The following USP24 variants were observed in gnomAD, a reference collection of about 807,000 sequenced individuals.
The protein encoded by USP24 is ubiquitin carboxyl-terminal hydrolase 24.
In USP24, 97 loss-of-function variants were observed where a neutral mutation model predicts 361.6. The ratio of observed to expected loss-of-function variants is 0.27; its 90% CI spans 0.23 to 0.32. The LOEUF is 0.32. USP24 is among the 10% of genes least tolerant of loss of function. USP24 has a pLI of 1.00. For missense variants in USP24, 2,353 were observed against 3,165.6 expected, an observed-to-expected ratio of 0.74 and a Z score of 6.16; for synonymous variants, 1,098 against 1,124.6, an observed-to-expected ratio of 0.98 and a Z score of 0.47.
chr1:55,128,747 G>C (rs192250820), intron 32 of USP24, among the ~76,000 whole-genome samples: 23 of 91,596 alleles, frequency 2.5e-4, no homozygotes, highest in Middle Eastern at 9.4e-3. Flanking sequence ...ACAGGATCTT[G>C]TTCCGTTGCC....
chr1:55,154,608 A>G, intron 13 of USP24, 63 bp downstream of exon 13: 1 of 1,501,150 alleles, frequency 6.7e-7, no homozygotes, highest in South Asian at 1.2e-5. Flanking sequence ...AGGGGTATTC[A>G]GGACCTCAAA....
At chr1:55,137,250 C>G (rs531744532) in intron 28 of USP24, among the ~76,000 whole-genome samples, 1 of 152,226 alleles carries the variant, frequency 6.6e-6, no homozygotes, top group East Asian at 1.9e-4. Context: ...TTCTTATCAA[C>G]AGAGATCAAG....
intron 60 of USP24, among the ~76,000 whole-genome samples, 182 bp downstream of exon 60, chr1:55,079,356 T>A (rs1054174505): frequency 6.6e-6 from 1 of 152,216 alleles, no homozygotes; most frequent in African/African-American, 2.4e-5. Context: ...GTCTGGACCT[T>A]GGCTGAACAG....
At chr1:55,081,182 TTA>T (rs1277708494) in intron 59 of USP24, 138 bp downstream of exon 59, 1 of 808,146 alleles carries the variant, frequency 1.2e-6, no homozygotes, top group Non-Finnish European at 1.9e-6. Context: ...TTAACATGAA[TTA>T]AAACAAAAAT....
At chr1:55,176,310 T>G in intron 3 of USP24, 66 bp downstream of exon 3, 1 of 1,380,696 alleles carries the variant, frequency 7.2e-7, no homozygotes, top group Non-Finnish European at 9.8e-7. Flanking sequence ...AACAAAAAGC[T>G]TCTCTTCCTT....
In USP24 at chr1:55,143,098, T is replaced by A. The variant is rs919197521; in HGVS notation, c.2461A>T (p.Ile821Leu). 3 of 1,520,008 alleles carry A rather than the reference T, an allele frequency of 2.0e-6. No homozygotes were observed. In the African/African-American group the frequency reaches 4.2e-5, roughly 21 times the overall value. 94.2% of individuals were successfully genotyped at this position (1,520,008 alleles called of 1,614,324 possible). ...ATTTTCCAAATGAAATCCATTCCTA[T>A]CAATTCCAGCTTTTCTACATACTGT... is the stretch of plus-strand genomic sequence containing the variant. ...AQLYVEKLEL[I>L]GMDFIWKIAM... Residue 821 changes from isoleucine (I) to leucine (L), a missense_variant, in exon 22 of 68, where the codon ATA (isoleucine) becomes TTA (leucine). By Grantham distance (5) the Ile-to-Leu change is conservative (BLOSUM62 2). Around this residue, in one of 8 missense-constraint regions of USP24, gnomAD observed 949 missense variants for 1,280.5 expected, o/e 0.74. Transcript: ENST00000294383.
chr1:55,181,347 A>G (rs1643960456), intron 1 of USP24, among the ~76,000 whole-genome samples: 1 of 152,176 alleles, frequency 6.6e-6, no homozygotes, highest in South Asian at 2.1e-4. Flanking sequence ...GGGTAGAAGG[A>G]GGGGGTGATG....
At chr1:55,208,803 G>A (rs1644776164) in intron 1 of USP24, among the ~76,000 whole-genome samples, 1 of 151,912 alleles carries the variant, frequency 6.6e-6, no homozygotes, top group Non-Finnish European at 1.5e-5. Flanking sequence ...GAGCGTGGTG[G>A]CAGGCGCCTG....
At chr1:55,205,528 A>G (rs1013878436) in intron 1 of USP24, among the ~76,000 whole-genome samples, 4 of 152,316 alleles carry the variant, frequency 2.6e-5, no homozygotes, top group African/African-American at 9.6e-5. Context: ...ATTTAAAAAA[A>G]TAGCTCCCAA....
chr1:55,072,850 G>A lies in USP24; in HGVS notation c.7538C>T (p.Ala2513Val). The A allele has an allele frequency of 1.2e-6, 2 of 1,606,996 alleles. No individual in the cohort carries two copies. Among genetic ancestry groups the A allele is most frequent in the South Asian group, 2.2e-5 (2 of 89,156 alleles). Residue 2513 changes from alanine (A) to valine (V), a missense_variant, in exon 65 of 68, where the codon GCT becomes GTT. Physicochemically the swap from Ala to Val is moderately conservative, Grantham distance 64. This residue lies in a region of USP24 where 598 missense variants were observed against 761.9 expected (regional missense o/e 0.78). Coordinates refer to ENST00000294383, the MANE Select transcript of USP24 (RefSeq NM_015306.3). Reference sequence around the variant, plus strand: ...GGAATTCTCCTTGAAGTACTCCTTAGCTGCAGGACACCTGATGACCGAGGA... The same window carrying A: ...GGAATTCTCCTTGAAGTACTCCTTAACTGCAGGACACCTGATGACCGAGGA... ...LVTLAQKCPAAKEYFKENSHH... is the reference protein window; with the variant it reads ...LVTLAQKCPAVKEYFKENSHH...
chr1:55,093,035 T>C (rs1645416412), intron 52 of USP24, 119 bp from the exon 53 acceptor site: 1 of 605,776 alleles, frequency 1.7e-6, no homozygotes, highest in Non-Finnish European at 2.6e-6. Context: ...TGAATTATAA[T>C]TTATAATTCC....
At chr1:55,189,210 C>T (rs1484208857) in intron 1 of USP24, among the ~76,000 whole-genome samples, 2 of 152,100 alleles carry the variant, frequency 1.3e-5, no homozygotes, top group African/African-American at 4.8e-5. Flanking sequence ...CATGAGTGTT[C>T]GTGGCAGCAT....
At chr1:55,097,544 AAGTG>A (rs1370509439) in intron 48 of USP24, 50 bp downstream of exon 48, 1 of 1,516,244 alleles carries the variant, frequency 6.6e-7, no homozygotes, top group Non-Finnish European at 8.8e-7. Context: ...AAAAAAAAAG[AAGTG>A]AGTGAGGAAA....
intron 1 of USP24, among the ~76,000 whole-genome samples, chr1:55,189,553 G>A (rs182532018): frequency 3.9e-5 from 6 of 152,306 alleles, no homozygotes; most frequent in Admixed American, 2.0e-4. Flanking sequence ...GTAGACTGGT[G>A]GTTGCCACAG....
chr1:55,182,754 A>T (rs910964251), intron 1 of USP24, among the ~76,000 whole-genome samples: 1 of 151,974 alleles, frequency 6.6e-6, no homozygotes, highest in African/African-American at 2.4e-5. Flanking sequence ...TCACTTTGTC[A>T]CCCAGGCTGG....
intron 16 of USP24, 66 bp downstream of exon 16, chr1:55,153,804 G>T: frequency 7.2e-7 from 1 of 1,389,776 alleles, no homozygotes; most frequent in Non-Finnish European, 9.9e-7. Flanking sequence ...AAATTGTGGT[G>T]TAATTTATTA....
chr1:55,146,226 AC>A, intron 19 of USP24, 117 bp from the exon 20 acceptor site: 5 of 612,750 alleles, frequency 8.2e-6, no homozygotes, highest in Non-Finnish European at 1.1e-5. Context: ...CTGTCAAAAT[AC>A]CACTCAAAGC....
intron 1 of USP24, among the ~76,000 whole-genome samples, chr1:55,185,635 ACTGCAGCCTTGACCTTCTAGGCTCAAG>A (rs879707381): frequency 3.3e-5 from 5 of 152,186 alleles, no homozygotes; most frequent in Admixed American, 6.5e-5. Context: ...ATCATGGCTG[ACTGCAGCCTTGACCTTCTAGGCTCAAG>A]CAAACCTCCC....
intron 34 of USP24, among the ~76,000 whole-genome samples, 178 bp from the exon 35 acceptor site, chr1:55,124,806 T>C (rs1439411895): frequency 6.6e-6 from 1 of 152,196 alleles, no homozygotes; most frequent in Non-Finnish European, 1.5e-5. Context: ...CTTTTTTATC[T>C]GTAAAACAGA....
Sources: allele counts gnomAD v4.1 joint callset (sites outside exome capture counted in the v4.1 genomes callset), GRCh38; gene constraint gnomAD v4.1.1; regional missense constraint gnomAD v4.1.1; transcripts MANE v1.5; gene names NCBI Gene and HGNC (gene_info 2026-07-23, HGNC 2026-07-21).